NMRAL1: variants seen among roughly 807,000 people sequenced by gnomAD.
NMRAL1 encodes NmrA like redox sensor 1, also known as nmrA-like family domain-containing protein 1.
NMRAL1 carries 32 observed loss-of-function variants against 27.5 expected under a neutral mutation model. The observed-to-expected ratio is 1.16, with a 90% CI of 0.88 to 1.56. The LOEUF (loss-of-function observed/expected upper bound fraction) is 1.56. NMRAL1 is among the 40% of genes most tolerant of loss of function. The pLI is 0.00. For missense variants in NMRAL1, 420 were observed against 392.0 expected (o/e 1.07, Z -0.60); for synonymous variants, 166 against 166.8 (o/e 1.00, Z 0.04).
intron 3 of NMRAL1, among the ~76,000 whole-genome samples, chr16:4,467,918 C>T (rs2057391172): frequency 6.6e-6 from 1 of 152,052 alleles, no homozygotes; most frequent in Non-Finnish European, 1.5e-5. Context: ...CTGTGCCCAG[C>T]TGATTTCTAT....
At chr16:4,462,027 C>T (rs1054279561) in intron 5 of NMRAL1, 68 bp from the exon 6 acceptor site, 31 of 1,399,980 alleles carry the variant, frequency 2.2e-5, no homozygotes, top group Non-Finnish European at 2.9e-5. Context: ...GGCAGGGAGG[C>T]CGGATGGGCT....
upstream of NMRAL1, chr16:4,474,720 G>C (rs1047669217): frequency 1.3e-5 from 2 of 152,830 alleles, no homozygotes; most frequent in East Asian, 1.9e-4. Flanking sequence ...CGTGCACAGT[G>C]AGTTTGTGTA....
chr16:4,468,646 A>T (rs1302930153), intron 3 of NMRAL1, among the ~76,000 whole-genome samples: 1 of 151,024 alleles, frequency 6.6e-6, no homozygotes, highest in African/African-American at 2.4e-5. Context: ...GATCTGCGTT[A>T]ATCAGAGAAG....
chr16:4,472,069 T>G (rs767033820), intron 2 of NMRAL1, among the ~76,000 whole-genome samples: 27 of 148,178 alleles, frequency 1.8e-4, no homozygotes, highest in Admixed American at 3.4e-4. Context: ...AGCAAGACCC[T>G]GACTCAGAAA....
At chr16:4,469,925 G>A (rs2057489328) in intron 2 of NMRAL1, among the ~76,000 whole-genome samples, 1 of 151,076 alleles carries the variant, frequency 6.6e-6, no homozygotes, top group Non-Finnish European at 1.5e-5. Context: ...AGCACTTTGG[G>A]AGGCCAGGCC....
chr16:4,466,596 A>G (rs2057338673), intron 3 of NMRAL1, 194 bp from the exon 4 acceptor site: 2 of 603,070 alleles, frequency 3.3e-6, no homozygotes, highest in South Asian at 2.0e-5. Context: ...CAGCCCCGGA[A>G]GCCTTCTACC....
At chr16:4,470,275 G>A (rs2141453106) in intron 2 of NMRAL1, among the ~76,000 whole-genome samples, 1 of 149,040 alleles carries the variant, frequency 6.7e-6, no homozygotes, top group Non-Finnish European at 1.5e-5. Context: ...TTTGAGAACA[G>A]CCCGACCAAC....
chr16:4,463,870 G>A lies in NMRAL1; in HGVS notation c.530-20C>T, dbSNP rs200105858. ...GCAAGCCTGTGGGGCAGAGACGTGAGCTGGTATATGTCCCGAGGGCAGACA... is the reference window on the plus strand; with the variant it reads ...GCAAGCCTGTGGGGCAGAGACGTGAACTGGTATATGTCCCGAGGGCAGACA... On this transcript the variant is annotated intron_variant, in intron 4 of 5. Coordinates refer to ENST00000283429, the MANE Select transcript of NMRAL1 (RefSeq NM_020677.6). 1 of 1,606,606 alleles carries A rather than the reference G, an allele frequency of 6.2e-7. No individual in the cohort carries two copies. The highest frequency in any genetic ancestry group is 1.7e-5 in the Admixed American group (1 of 59,482).
Position 4,469,745 on chromosome 16 carries a change from T to C in NMRAL1, c.41-280A>G. ...AGCTGGGTGTGAAGGCACATGCCTG[T>C]ACTCCCAGCTACTCAGGAGGCTGAG... is the stretch of plus-strand genomic sequence containing the variant. On this transcript the variant is annotated intron_variant, in intron 2 of 5. Coordinates refer to ENST00000283429, the MANE Select transcript of NMRAL1 (RefSeq NM_020677.6). 6 of 445,132 alleles carry C rather than the reference T, an allele frequency of 1.3e-5. No homozygotes were observed. The South Asian group carries it at 1.7e-4, about 12-fold the overall frequency. The allele number at this position is 445,132 out of a possible 1,614,324, so 27.6% of individuals were successfully genotyped here. A position where few individuals can be genotyped will look rare whatever the true frequency, so the allele number is the denominator to read the frequency against.
At chr16:4,465,047 A>C (rs1317188908) in intron 4 of NMRAL1, among the ~76,000 whole-genome samples, 3 of 151,968 alleles carry the variant, frequency 2.0e-5, no homozygotes, top group Non-Finnish European at 4.4e-5. Flanking sequence ...AGCTGGGATT[A>C]CAGGCGTGCA....
intron 5 of NMRAL1, chr16:4,463,454 TTCTC>T (rs1309884809): frequency 5.8e-5 from 32 of 552,174 alleles, no homozygotes; most frequent in Admixed American, 7.8e-5. Context: ...CTGGAAGCTT[TTCTC>T]TCTATTTGGT....
chr16:4,461,921 A>C lies in NMRAL1; in HGVS notation c.759T>G (p.Gly253=). The C allele has an allele frequency of 1.2e-6, 2 of 1,614,072 alleles. No individual in the cohort carries two copies. The highest frequency in any genetic ancestry group is 1.7e-6 in the Non-Finnish European group (2 of 1,179,954). ...GGAACATGTTGGCCAGGTCCCGGGC[A>C]CCGGGAAAGCCAAGCTTTTCGTAGT... The part of the protein sequence containing the change: ...PEDYEKLGFP[G]ARDLANMFRF... Residue 253 remains glycine (G), a synonymous_variant, in exon 6 of 6, where the codon GGT becomes GGG. Coordinates refer to ENST00000283429, the MANE Select transcript of NMRAL1 (RefSeq NM_020677.6).
rs754499815 is a variant in NMRAL1, at chr16:4,463,762, T to G, written c.618A>C (p.Lys206Asn). Residue 206 changes from lysine (K) to asparagine (N), a missense_variant, in exon 5 of 6, where the codon AAA becomes AAC. By Grantham distance (94) the Lys-to-Asn change is moderately conservative. Transcript: ENST00000283429. Reference sequence around the variant, plus strand: ...TCAGCCCGATGTTCTGGCCGACGTATTTTTCTGGCATCTTCAAAAGGCTGA... The same window carrying G: ...TCAGCCCGATGTTCTGGCCGACGTAGTTTTCTGGCATCTTCAAAAGGCTGA... ...VVLSLLKMPE[K>N]YVGQNIGLST... 2.5e-6 allele frequency: 4 copies of G among 1,614,086 alleles called. No individual in the cohort carries two copies. The East Asian group carries it at 8.9e-5, about 36-fold the overall frequency.
Position 4,466,160 on chromosome 16 carries a change from G to A in NMRAL1, c.522C>T (p.Tyr174=), listed in dbSNP as rs529311062. 6.2e-7 allele frequency: 1 copy of A among 1,614,186 alleles called. No individual in the cohort carries two copies. The highest frequency in any genetic ancestry group is 1.3e-5 in the African/African-American group (1 of 75,064). ...GCGAGAAAGGGCACTTACTCAGCAA[G>A]TAGCTCTTTCCGTCTGGGGCTTTCT... ...LPQKAPDGKS[Y]LLSLPTGDVP... The change falls in exon 4 of 6, where the codon TAC becomes TAT. Residue 174 remains tyrosine (Y), a synonymous_variant. Coordinates refer to ENST00000283429, the MANE Select transcript of NMRAL1 (RefSeq NM_020677.6).
upstream of NMRAL1, chr16:4,475,789 A>C (rs951355597): frequency 6.6e-6 from 1 of 152,034 alleles, no homozygotes; most frequent in South Asian, 2.1e-4. Flanking sequence ...AAATACAAAA[A>C]TTAGCCGGGC....
chr16:4,467,219 T>A, intron 3 of NMRAL1: 1 of 152,100 alleles, frequency 6.6e-6, no homozygotes, highest in Non-Finnish European at 1.5e-5. Flanking sequence ...GAAGAAGGAT[T>A]TCCCTCAAAC....
At chr16:4,476,125 G>A (rs755724667), upstream of NMRAL1, 1 of 152,202 alleles carries the variant, frequency 6.6e-6, no homozygotes, top group Non-Finnish European at 1.5e-5. Flanking sequence ...TCACTGAGTG[G>A]ATGTACAAGG....
chr16:4,468,913 C>T (rs1390315384), intron 3 of NMRAL1, among the ~76,000 whole-genome samples: 1 of 151,516 alleles, frequency 6.6e-6, no homozygotes, highest in Non-Finnish European at 1.5e-5. Flanking sequence ...GTGCATGTAC[C>T]CCTGAATCTA....
At chr16:4,473,385 T>C (rs1045808275) in intron 2 of NMRAL1, among the ~76,000 whole-genome samples, 4 of 152,124 alleles carry the variant, frequency 2.6e-5, no homozygotes, top group Non-Finnish European at 5.9e-5. Context: ...GTAGATTGTA[T>C]AGTACGTGAA....
Sources: gnomAD v4.1 joint callset for allele counts (sites outside exome capture counted in the v4.1 genomes callset) on GRCh38, gnomAD v4.1.1 for gene constraint, MANE v1.5 for transcripts, NCBI Gene and HGNC (gene_info 2026-07-23, HGNC 2026-07-21) for gene names.